Variants in RAPGEF2 observed in about 807,000 individuals in gnomAD.
The protein encoded by RAPGEF2 is Rap guanine nucleotide exchange factor 2.
RAPGEF2 carries 54 observed loss-of-function variants against 186.7 expected under a neutral mutation model. The ratio of observed to expected loss-of-function variants is 0.29; its 90% CI spans 0.23 to 0.36. RAPGEF2 has a LOEUF of 0.36. RAPGEF2 is among the 10% of genes least tolerant of loss of function. The probability of loss-of-function intolerance (pLI) is 1.00; values close to 1 mark genes in which losing one functional copy is unlikely to be tolerated. For missense variants in RAPGEF2, 1,532 were observed against 2,045.0 expected (o/e 0.75, Z 4.84); for synonymous variants, 712 against 705.9 (o/e 1.01, Z -0.14).
chr4:159,250,654 T>C (rs1407214259), intron 7 of RAPGEF2, among the ~76,000 whole-genome samples: 1 of 148,314 alleles, frequency 6.7e-6, no homozygotes, highest in Non-Finnish European at 1.5e-5. Context: ...TCACCAATTA[T>C]TAGCACTCTT....
intron 1 of RAPGEF2, among the ~76,000 whole-genome samples, chr4:159,124,472 G>A (rs1485159934): frequency 6.6e-6 from 1 of 152,098 alleles, no homozygotes; most frequent in African/African-American, 2.4e-5. Flanking sequence ...CTGGGAGGCA[G>A]AGGTTGCAGT....
chr4:159,149,260 T>A (rs1195691331), intron 1 of RAPGEF2, among the ~76,000 whole-genome samples: 1 of 152,182 alleles, frequency 6.6e-6, no homozygotes, highest in Non-Finnish European at 1.5e-5. Flanking sequence ...TTTTTGTTTA[T>A]TTGTTTGTTT....
chr4:159,186,963 T>G (rs1261725564), intron 2 of RAPGEF2, among the ~76,000 whole-genome samples: 2 of 152,170 alleles, frequency 1.3e-5, no homozygotes, highest in Non-Finnish European at 2.9e-5. Context: ...TTTGAGCTAT[T>G]TGAAAATACA....
At chr4:159,181,905 A>G (rs967783723) in intron 1 of RAPGEF2, among the ~76,000 whole-genome samples, 68 of 152,302 alleles carry the variant, frequency 4.5e-4, no homozygotes, top group African/African-American at 1.6e-3. Flanking sequence ...TTAAACAAGA[A>G]TGGTGAACTT....
chr4:159,265,732 A>T (rs775159143), intron 7 of RAPGEF2, among the ~76,000 whole-genome samples: 2 of 152,208 alleles, frequency 1.3e-5, no homozygotes, highest in African/African-American at 4.8e-5. Context: ...GGTTGGGTGG[A>T]TGGAGTTAGA....
chr4:159,252,337 C>T (rs1469257088), intron 7 of RAPGEF2, among the ~76,000 whole-genome samples: 2 of 152,036 alleles, frequency 1.3e-5, no homozygotes, highest in Non-Finnish European at 2.9e-5. Context: ...GGCGCCTGGC[C>T]CTGTATTTCT....
chr4:159,354,109 A>C (rs918234286), intron 28 of RAPGEF2, 63 bp downstream of exon 28: 53 of 1,424,830 alleles, frequency 3.7e-5, no homozygotes, highest in Non-Finnish European at 4.9e-5. Context: ...AACTTATTAC[A>C]ATAGTAAAAT....
chr4:159,129,402 T>TAGGGATAAACATAAGA (rs1740752570), intron 1 of RAPGEF2, among the ~76,000 whole-genome samples: 1 of 152,152 alleles, frequency 6.6e-6, no homozygotes, highest in African/African-American at 2.4e-5. Flanking sequence ...TATTTTATGT[T>TAGGGATAAACATAAGA]TAGGGAGCAC....
chr4:159,129,599 T>G (rs1740778694), intron 1 of RAPGEF2, among the ~76,000 whole-genome samples: 1 of 152,238 alleles, frequency 6.6e-6, no homozygotes, highest in Non-Finnish European at 1.5e-5. Context: ...TTAAGTAATT[T>G]GCTTAAGAAC....
Position 159,353,454 on chromosome 4 carries a change from T to G in RAPGEF2, c.4092-33T>G. On this transcript the variant is annotated intron_variant, in intron 27 of 29. Transcript: ENST00000691494. This position sits in a 1 kb window ranked among gnomAD's most constrained non-coding sequence, Gnocchi z 4.3. ...GGTGAATTAGTTATCAATCTTGTTT[T>G]TTTTTTCTTTTCCATTTCTTTTAAC... is the stretch of plus-strand genomic sequence containing the variant. The G allele has an allele frequency of 7.1e-7, 1 of 1,409,006 alleles. No individual in the cohort carries two copies. Among genetic ancestry groups the G allele is most frequent in the Non-Finnish European group, 9.3e-7 (1 of 1,071,566 alleles). The allele number at this position is 1,409,006 out of a possible 1,614,324, so 87.3% of individuals were successfully genotyped here. A position where few individuals can be genotyped will look rare whatever the true frequency, so the allele number is the denominator to read the frequency against.
intron 4 of RAPGEF2, among the ~76,000 whole-genome samples, chr4:159,223,370 T>A (rs1751721905): frequency 3.3e-5 from 5 of 152,238 alleles, no homozygotes; most frequent in Non-Finnish European, 2.9e-5. Flanking sequence ...GATAATCTTA[T>A]CTTTTCTTGA....
intron 4 of RAPGEF2, among the ~76,000 whole-genome samples, chr4:159,227,300 A>T (rs1262802333): frequency 4.6e-5 from 7 of 152,130 alleles, no homozygotes; most frequent in Non-Finnish European, 8.8e-5. Context: ...CTGTTTGGTT[A>T]TTTCTTAATG....
At chr4:159,337,485 A>G (rs1318061000) in intron 17 of RAPGEF2, among the ~76,000 whole-genome samples, 1 of 152,130 alleles carries the variant, frequency 6.6e-6, no homozygotes, top group Non-Finnish European at 1.5e-5. Flanking sequence ...ATTCTTTTTA[A>G]TGTGCTTTTT....
intron 4 of RAPGEF2, among the ~76,000 whole-genome samples, chr4:159,236,160 C>T (rs988331698): frequency 6.6e-6 from 1 of 152,170 alleles, no homozygotes; most frequent in African/African-American, 2.4e-5. Context: ...TCTGCAGTTT[C>T]TCCTGTTCAC....
chr4:159,278,403 T>C (rs1398033880), intron 7 of RAPGEF2, among the ~76,000 whole-genome samples: 2 of 152,214 alleles, frequency 1.3e-5, no homozygotes, highest in Non-Finnish European at 2.9e-5. Context: ...TATATGATTT[T>C]ATCATTCCTA....
At chr4:159,242,512 A>G (rs887124661) in intron 6 of RAPGEF2, among the ~76,000 whole-genome samples, 5 of 152,018 alleles carry the variant, frequency 3.3e-5, no homozygotes, top group African/African-American at 1.2e-4. Context: ...TTATTTAAAT[A>G]TTTAATGTGG....
At position 159,335,702 on chromosome 4, in the gene RAPGEF2, G is replaced by T. The variant is rs573272698; in HGVS notation, c.2136-2609G>T. Among the ~76,000 whole-genome samples the T allele has an allele frequency of 2.6e-5, 4 of 152,210 alleles. No individual in the cohort carries two copies. In the South Asian group the frequency reaches 8.3e-4, roughly 32 times the overall value. On this transcript the variant is annotated intron_variant, in intron 17 of 29. Coordinates refer to ENST00000691494, the MANE Select transcript of RAPGEF2 (RefSeq NM_001394067.2). ...TACAAAACATTAGCCGGGCATGGTG[G>T]CGGACGTCTGTAGTCCCAGCTACTC...
At chr4:159,330,640 AAAAC>A (rs984957777) in intron 13 of RAPGEF2, 142 bp downstream of exon 13, 5 of 616,084 alleles carry the variant, frequency 8.1e-6, no homozygotes, top group African/African-American at 3.9e-5. Flanking sequence ...AAAAAACAAA[AAAAC>A]AAAAAAAAAG....
chr4:159,309,564 A>T (rs566028116), intron 8 of RAPGEF2, among the ~76,000 whole-genome samples: 1 of 152,346 alleles, frequency 6.6e-6, no homozygotes, highest in South Asian at 2.1e-4. Flanking sequence ...TAGAGTCTTG[A>T]GTGAAGATCC....
Sources: gnomAD v4.1 joint callset for allele counts (sites outside exome capture counted in the v4.1 genomes callset) on GRCh38, gnomAD v4.1.1 for gene constraint, Gnocchi (gnomAD v3.1) non-coding constraint, MANE v1.5 for transcripts, NCBI Gene and HGNC (gene_info 2026-07-23, HGNC 2026-07-21) for gene names.